The following STX18 variants were observed in gnomAD, a reference collection of about 807,000 sequenced individuals.
STX18 encodes syntaxin-18.
STX18 carries 40 observed loss-of-function variants against 50.1 expected under a neutral mutation model. The ratio of observed to expected loss-of-function variants is 0.80; its 90% CI spans 0.62 to 1.04. STX18 has a LOEUF of 1.04. Ranked by LOEUF, STX18 falls within the 50% of genes least tolerant of loss-of-function variation. The pLI, the probability that STX18 is intolerant of heterozygous loss-of-function variation, is 0.00. For missense variants in STX18, 410 were observed against 415.8 expected (o/e 0.99, Z 0.12); for synonymous variants, 158 against 151.8 (o/e 1.04, Z -0.30).
intron 1 of STX18, chr4:4,477,898 G>A (rs1294991952): frequency 2.6e-5 from 4 of 152,128 alleles, no homozygotes; most frequent in African/African-American, 4.8e-5. Flanking sequence ...CACCCGCCAC[G>A]TGTGTGCCAG....
intron 1 of STX18, chr4:4,507,445 G>C (rs1020891401): frequency 1.3e-6 from 1 of 760,046 alleles, no homozygotes; most frequent in Non-Finnish European, 2.5e-6. Flanking sequence ...GCTAGTATGC[G>C]AACTGGAGAA....
intron 2 of STX18, among the ~76,000 whole-genome samples, chr4:4,464,756 C>T (rs1727537185): frequency 6.6e-6 from 1 of 152,162 alleles, no homozygotes. Context: ...TGGTGACATC[C>T]CTCTTAACAT....
chr4:4,490,870 C>CTT (rs1414163265), intron 1 of STX18, among the ~76,000 whole-genome samples: 1 of 152,082 alleles, frequency 6.6e-6, no homozygotes, highest in African/African-American at 2.4e-5. Flanking sequence ...TTCCCATTTG[C>CTT]TTTTGCATGT....
chr4:4,431,372 A>G (rs1013272542), intron 7 of STX18, among the ~76,000 whole-genome samples: 8 of 152,336 alleles, frequency 5.3e-5, no homozygotes, highest in African/African-American at 1.9e-4. Context: ...TGAAAACCTA[A>G]GAGATTTTTA....
intron 1 of STX18, among the ~76,000 whole-genome samples, chr4:4,525,537 T>C (rs1160128693): frequency 1.3e-5 from 2 of 152,184 alleles, no homozygotes; most frequent in African/African-American, 4.8e-5. Context: ...ATCCCTACTA[T>C]GGGCCAGATG....
chr4:4,512,075 T>C (rs1187951690), intron 1 of STX18, among the ~76,000 whole-genome samples: 1 of 151,980 alleles, frequency 6.6e-6, no homozygotes, highest in Non-Finnish European at 1.5e-5. Context: ...AAATATCCCC[T>C]AGAAGCAAAA....
chr4:4,431,646 TCC>T (rs990066120), intron 7 of STX18, among the ~76,000 whole-genome samples: 12 of 152,124 alleles, frequency 7.9e-5, no homozygotes, highest in African/African-American at 2.7e-4. Context: ...CTCATGAATG[TCC>T]CACAGGCGCC....
At position 4,419,747 on chromosome 4, in the gene STX18, GC is replaced by G. The variant is rs2108764466; in HGVS notation, c.*286del. On this transcript the variant is annotated 3_prime_UTR_variant, in exon 11 of 11. Transcript: ENST00000306200. Reference sequence around the variant, plus strand: ...GCCAAGGCAGCCTCAAGTTCAAGGAGCAGCTAATCACCCACTCCTGCATTCA... The same window carrying G: ...GCCAAGGCAGCCTCAAGTTCAAGGAGAGCTAATCACCCACTCCTGCATTCA... 1 of 291,866 alleles carries G rather than the reference GC, an allele frequency of 3.4e-6. No homozygotes were observed. The highest frequency in any genetic ancestry group is 6.5e-6 in the Non-Finnish European group (1 of 154,692). 18.1% of individuals were successfully genotyped at this position (291,866 alleles called of 1,614,324 possible). A position where few individuals can be genotyped will look rare whatever the true frequency, so the allele number is the denominator to read the frequency against.
At chr4:4,455,833 T>C (rs1727033485) in intron 5 of STX18, among the ~76,000 whole-genome samples, 1 of 152,194 alleles carries the variant, frequency 6.6e-6, no homozygotes, top group Non-Finnish European at 1.5e-5. Context: ...TCCTCTGGAC[T>C]TTTGTCCCAC....
chr4:4,527,239 G>A (rs1466403919), intron 1 of STX18, among the ~76,000 whole-genome samples: 1 of 152,088 alleles, frequency 6.6e-6, no homozygotes, highest in South Asian at 2.1e-4. Flanking sequence ...CAGTTAAGAT[G>A]ACATCAAACT....
chr4:4,520,825 G>A (rs1730473452), intron 1 of STX18, among the ~76,000 whole-genome samples: 1 of 152,126 alleles, frequency 6.6e-6, no homozygotes, highest in Non-Finnish European at 1.5e-5. Flanking sequence ...CTTCCTCCAG[G>A]TTAATCAAAG....
intron 1 of STX18, among the ~76,000 whole-genome samples, chr4:4,481,398 T>C (rs1728453847): frequency 1.3e-5 from 2 of 152,234 alleles, no homozygotes; most frequent in Admixed American, 1.3e-4. Context: ...ACAAGCATTG[T>C]TCAAGATTAA....
At position 4,420,126 on chromosome 4, in the gene STX18, T is replaced by A; in HGVS notation, c.916A>T (p.Ile306Phe). The A allele has an allele frequency of 6.2e-7, 1 of 1,610,468 alleles. No homozygotes were observed. The highest frequency in any genetic ancestry group is 8.5e-7 in the Non-Finnish European group (1 of 1,178,414). The change falls in exon 11 of 11, where the codon ATT becomes TTT. Residue 306 changes from isoleucine to phenylalanine, a missense_variant. Physicochemically the swap from Ile to Phe is conservative, Grantham distance 21. Coordinates refer to ENST00000306200, the MANE Select transcript of STX18 (RefSeq NM_016930.4). This position sits in a 1 kb window ranked among gnomAD's most constrained non-coding sequence, Gnocchi z 4.3. ...KEGNEDIREA[I>F]KNNAGFRVWI... ...ACGCGGAAGCCAGCGTTGTTTTTAA[T>A]GGCCTGGGCAGGGACGGGAGCACAG... is the stretch of plus-strand genomic sequence containing the variant.
chr4:4,469,468 A>G (rs1412166011), intron 2 of STX18, among the ~76,000 whole-genome samples: 5 of 152,196 alleles, frequency 3.3e-5, no homozygotes, highest in Non-Finnish European at 7.3e-5. Context: ...GGTCAAATGT[A>G]TAAACTAAAA....
chr4:4,501,483 GTGAGGGAAAATCTATA>G (rs1173521499), intron 1 of STX18, among the ~76,000 whole-genome samples: 1 of 152,184 alleles, frequency 6.6e-6, no homozygotes, highest in East Asian at 1.9e-4. Context: ...TGATTATTTT[GTGAGGGAAAATCTATA>G]TGAGGGAAAA....
At chr4:4,517,460 T>C (rs1257888923) in intron 1 of STX18, among the ~76,000 whole-genome samples, 3 of 152,262 alleles carry the variant, frequency 2.0e-5, no homozygotes. Flanking sequence ...TACAGTCACA[T>C]AATTAAAACC....
At chr4:4,437,790 G>A (rs1029120608) in intron 6 of STX18, among the ~76,000 whole-genome samples, 1 of 152,278 alleles carries the variant, frequency 6.6e-6, no homozygotes, top group Admixed American at 6.5e-5. Context: ...CTACGCAGGG[G>A]TACCAGCCAG....
chr4:4,524,251 T>C (rs1429096888), intron 1 of STX18, among the ~76,000 whole-genome samples: 1 of 152,194 alleles, frequency 6.6e-6, no homozygotes, highest in African/African-American at 2.4e-5. Flanking sequence ...GGGCACAATT[T>C]TGAATGCAAT....
intron 1 of STX18, among the ~76,000 whole-genome samples, chr4:4,479,993 T>C (rs927059411): frequency 7.2e-5 from 11 of 152,128 alleles, no homozygotes; most frequent in Non-Finnish European, 1.6e-4. Flanking sequence ...TATTACCTAG[T>C]GGGGAAAAAC....
Sources: gnomAD v4.1 joint callset for allele counts (sites outside exome capture counted in the v4.1 genomes callset) on GRCh38, gnomAD v4.1.1 for gene constraint, Gnocchi (gnomAD v3.1) non-coding constraint, MANE v1.5 for transcripts, NCBI Gene and HGNC (gene_info 2026-07-23, HGNC 2026-07-21) for gene names.